The following SLC35F3 variants were observed in gnomAD, a reference collection of about 807,000 sequenced individuals.
The protein encoded by SLC35F3 is solute carrier family 35 member F3, also known as putative thiamine transporter SLC35F3.
In SLC35F3, 25 loss-of-function variants were observed where a neutral mutation model predicts 49.9. The observed-to-expected ratio is 0.50, with a 90% CI of 0.37 to 0.70. The LOEUF is 0.70. Among genes scored for constraint, SLC35F3 ranks in the 30% least tolerant of loss-of-function variants. The probability of loss-of-function intolerance (pLI) is 0.00; values close to 1 mark genes in which losing one functional copy is unlikely to be tolerated. For missense variants in SLC35F3, 525 were observed against 639.8 expected, an observed-to-expected ratio of 0.82 and a Z score of 1.94; for synonymous variants, 275 against 265.4, an observed-to-expected ratio of 1.04 and a Z score of -0.35.
At chr1:233,998,872 A>G (rs1275670221) in intron 2 of SLC35F3, among the ~76,000 whole-genome samples, 1 of 152,166 alleles carries the variant, frequency 6.6e-6, no homozygotes, top group Admixed American at 6.6e-5. Flanking sequence ...CTTATTAATG[A>G]TGAGTACTTT....
intron 3 of SLC35F3, among the ~76,000 whole-genome samples, chr1:234,289,729 C>T (rs988471823): frequency 1.4e-4 from 21 of 152,126 alleles, no homozygotes; most frequent in Admixed American, 9.8e-4. Flanking sequence ...CATACAGTCC[C>T]GGCAGAAGTA....
In SLC35F3 at chr1:233,990,409, A is replaced by C. The variant is rs199526449; in HGVS notation, c.283+84651A>C. Among the ~76,000 whole-genome samples the C allele has an allele frequency of 3.3e-5, 5 of 152,330 alleles. No homozygotes were observed. In the East Asian group the frequency reaches 7.7e-4, roughly 23 times the overall value. On this transcript the variant is annotated intron_variant, in intron 2 of 7. Transcript: ENST00000366618. ...TAGCAATGTGAACATGGGAAAATTC[A>C]CATCCAATTTTCTATTTTTTCCATT...
chr1:233,913,284 C>T (rs1218719011), intron 2 of SLC35F3, among the ~76,000 whole-genome samples: 1 of 152,150 alleles, frequency 6.6e-6, no homozygotes, highest in African/African-American at 2.4e-5. Flanking sequence ...TGAAGTTGGA[C>T]TTGTGAGCAG....
intron 3 of SLC35F3, among the ~76,000 whole-genome samples, chr1:234,294,853 G>T (rs1315460754): frequency 6.6e-6 from 1 of 152,146 alleles, no homozygotes. Context: ...CTGTGGAGGT[G>T]GGAGGGAGGG....
At chr1:233,906,378 C>G (rs1263983928) in intron 2 of SLC35F3, among the ~76,000 whole-genome samples, 1 of 152,180 alleles carries the variant, frequency 6.6e-6, no homozygotes, top group Admixed American at 6.5e-5. Flanking sequence ...AAATGTTTTT[C>G]TTTCCGTGGG....
At position 234,088,087 on chromosome 1, in the gene SLC35F3, T is replaced by C. The variant is rs1039150676; in HGVS notation, c.284-143330T>C. Among the ~76,000 whole-genome samples, 10 of 152,238 alleles carry C rather than the reference T, an allele frequency of 6.6e-5. 1 individual carries two copies. Among genetic ancestry groups the C allele is most frequent in the African/African-American group, 2.2e-4 (9 of 41,452 alleles). ...AAGCTCCATGAATGCAGGGGATTTC[T>C]CTCTTCTGTACGTTGTATTTCCAGC... On this transcript the variant is annotated intron_variant, in intron 2 of 7. Transcript: ENST00000366618.
At chr1:234,154,836 G>T (rs1002845976) in intron 2 of SLC35F3, among the ~76,000 whole-genome samples, 1 of 152,086 alleles carries the variant, frequency 6.6e-6, no homozygotes, top group Non-Finnish European at 1.5e-5. Context: ...GAATTTAGAG[G>T]CTCCTGCCTG....
intron 2 of SLC35F3, among the ~76,000 whole-genome samples, chr1:234,007,244 T>G (rs1242177706): frequency 6.6e-6 from 1 of 152,176 alleles, no homozygotes; most frequent in Non-Finnish European, 1.5e-5. Context: ...AGGAAAACAT[T>G]GAGCAGGGAA....
chr1:234,247,172 AAAG>A (rs916495381), intron 3 of SLC35F3, among the ~76,000 whole-genome samples: 2 of 152,266 alleles, frequency 1.3e-5, no homozygotes, highest in Admixed American at 1.3e-4. Context: ...TGAAACAAAA[AAAG>A]AAGAGAAACT....
At chr1:234,222,034 T>C (rs1201475128) in intron 2 of SLC35F3, among the ~76,000 whole-genome samples, 1 of 152,204 alleles carries the variant, frequency 6.6e-6, no homozygotes, top group Non-Finnish European at 1.5e-5. Context: ...TGAGCATATG[T>C]GTGCATGTAA....
At position 234,009,462 on chromosome 1, in the gene SLC35F3, CT is replaced by C. The variant is rs1362096359; in HGVS notation, c.283+103708del. 7.9e-5 allele frequency among the ~76,000 whole-genome samples: 12 copies of C among 152,294 alleles called. No homozygotes were observed. The East Asian group carries it at 2.1e-3, about 27-fold the overall frequency. On this transcript the variant is annotated intron_variant, in intron 2 of 7. Coordinates refer to ENST00000366618, the MANE Select transcript of SLC35F3 (RefSeq NM_173508.4). ...CAGGGCTCCTCTGAACCAGAATTTTCTTTTAATTTGCTTATCCCAATCTAAG... is the reference window on the plus strand; with the variant it reads ...CAGGGCTCCTCTGAACCAGAATTTTCTTTAATTTGCTTATCCCAATCTAAG...
At chr1:234,133,236 A>G (rs1665760106) in intron 2 of SLC35F3, among the ~76,000 whole-genome samples, 1 of 152,202 alleles carries the variant, frequency 6.6e-6, no homozygotes, top group South Asian at 2.1e-4. Context: ...GTGTAATAAG[A>G]TCATTTTTCC....
At chr1:234,322,007 C>T (rs1211335220) in intron 7 of SLC35F3, among the ~76,000 whole-genome samples, 3 of 151,072 alleles carry the variant, frequency 2.0e-5, no homozygotes, top group East Asian at 1.9e-4. Flanking sequence ...ATGACAAAAC[C>T]CCATCTCTAC....
At chr1:234,113,178 C>G (rs1665434213) in intron 2 of SLC35F3, among the ~76,000 whole-genome samples, 1 of 152,196 alleles carries the variant, frequency 6.6e-6, no homozygotes, top group Non-Finnish European at 1.5e-5. Context: ...CTGATAATTT[C>G]CACATTTGTC....
At chr1:234,186,997 C>G (rs530990334) in intron 2 of SLC35F3, among the ~76,000 whole-genome samples, 1 of 152,250 alleles carries the variant, frequency 6.6e-6, no homozygotes, top group African/African-American at 2.4e-5. Context: ...ATCTCAGGTA[C>G]TCTAGCTTTT....
intron 2 of SLC35F3, among the ~76,000 whole-genome samples, chr1:234,191,593 A>C (rs1210509253): frequency 1.3e-5 from 2 of 152,062 alleles, no homozygotes; most frequent in Non-Finnish European, 2.9e-5. Context: ...GAAATAACCC[A>C]GATCAGAGAA....
At chr1:234,153,218 G>A (rs912879069) in intron 2 of SLC35F3, among the ~76,000 whole-genome samples, 4 of 152,184 alleles carry the variant, frequency 2.6e-5, no homozygotes, top group Non-Finnish European at 5.9e-5. Flanking sequence ...CATGACTAGA[G>A]AGACCCTAAT....
Position 234,009,906 on chromosome 1 carries a change from C to A in SLC35F3, c.283+104148C>A, listed in dbSNP as rs183746632. ...AGAATACTTTACCTGACAAAACTGTCCTTCCCCAGACAAACAAAAGCCAAG... is the reference window on the plus strand; with the variant it reads ...AGAATACTTTACCTGACAAAACTGTACTTCCCCAGACAAACAAAAGCCAAG... On this transcript the variant is annotated intron_variant, in intron 2 of 7. Coordinates refer to ENST00000366618, the MANE Select transcript of SLC35F3 (RefSeq NM_173508.4). Among the ~76,000 whole-genome samples, 307 of 152,268 alleles carry A rather than the reference C, an allele frequency of 2.0e-3. 1 individual carries two copies. The highest frequency in any genetic ancestry group is 4.8e-3 in the African/African-American group (199 of 41,552).
intron 2 of SLC35F3, among the ~76,000 whole-genome samples, chr1:233,964,745 T>C (rs1662873397): frequency 1.3e-5 from 2 of 152,100 alleles, no homozygotes; most frequent in South Asian, 4.1e-4. Flanking sequence ...GCAATATGAG[T>C]TCTGATGGTA....
Sources: gnomAD v4.1 joint callset for allele counts (sites outside exome capture counted in the v4.1 genomes callset) on GRCh38, gnomAD v4.1.1 for gene constraint, MANE v1.5 for transcripts, NCBI Gene and HGNC (gene_info 2026-07-23, HGNC 2026-07-21) for gene names.